DCDC1: variants seen among roughly 807,000 people sequenced by gnomAD.
DCDC1 encodes the protein doublecortin domain-containing protein 1.
In DCDC1, 200 loss-of-function variants were observed where a neutral mutation model predicts 178.3. The ratio of observed to expected loss-of-function variants is 1.12; its 90% confidence interval spans 1.00 to 1.26. DCDC1 has a LOEUF of 1.26. Among genes scored for constraint, DCDC1 ranks in the 50% most tolerant of loss-of-function variants. The probability of loss-of-function intolerance (pLI) is 0.00; values close to 1 mark genes in which losing one functional copy is unlikely to be tolerated. For missense variants in DCDC1, 1,983 were observed against 1,749.2 expected, an observed-to-expected ratio of 1.13 and a Z score of -2.38; for synonymous variants, 690 against 604.8, an observed-to-expected ratio of 1.14 and a Z score of -2.07.
intron 22 of DCDC1, 38 bp downstream of exon 22, chr11:30,931,733 G>C (rs1177806527): frequency 2.6e-6 from 4 of 1,559,344 alleles, no homozygotes; most frequent in Non-Finnish European, 3.5e-6. Flanking sequence ...GTACAAACTA[G>C]AAAGTGTATT....
intron 8 of DCDC1, among the ~76,000 whole-genome samples, chr11:31,254,607 A>G (rs1944290256): frequency 6.6e-6 from 1 of 152,174 alleles, no homozygotes; most frequent in Non-Finnish European, 1.5e-5. Flanking sequence ...TCAGTGGCAT[A>G]AAACAATAAG....
chr11:31,113,013 C>T (rs1053660383), intron 11 of DCDC1, among the ~76,000 whole-genome samples: 2 of 152,114 alleles, frequency 1.3e-5, no homozygotes, highest in Non-Finnish European at 2.9e-5. Context: ...AATCATATAG[C>T]ATATTCAGGG....
chr11:30,889,617 G>A (rs900875650), intron 36 of DCDC1, among the ~76,000 whole-genome samples: 4 of 152,082 alleles, frequency 2.6e-5, no homozygotes, highest in South Asian at 2.1e-4. Context: ...GCCTGACAGC[G>A]TGAAAGGATA....
chr11:30,945,237 G>A (rs987395482), intron 21 of DCDC1, among the ~76,000 whole-genome samples: 2 of 151,762 alleles, frequency 1.3e-5, no homozygotes, highest in Non-Finnish European at 2.9e-5. Flanking sequence ...AAAGTGCTGG[G>A]ATTATAGGTG....
At chr11:31,014,554 G>A (rs939966928) in intron 20 of DCDC1, among the ~76,000 whole-genome samples, 6 of 152,156 alleles carry the variant, frequency 3.9e-5, no homozygotes, top group African/African-American at 1.2e-4. Context: ...GATCATAGAT[G>A]TTTCTTATTT....
intron 9 of DCDC1, among the ~76,000 whole-genome samples, chr11:31,154,260 A>T (rs1173375516): frequency 6.6e-6 from 1 of 152,154 alleles, no homozygotes. Flanking sequence ...TTCATAAATT[A>T]CCCAGTGTCA....
At chr11:31,229,895 T>A (rs55722869) in intron 9 of DCDC1, among the ~76,000 whole-genome samples, 3,136 of 152,098 alleles carry the variant, frequency 0.021, 97 homozygotes, top group African/African-American at 0.071. Flanking sequence ...AAGTCCACAG[T>A]TAACATCATA....
chr11:31,174,156 T>C (rs1226069151), intron 9 of DCDC1, among the ~76,000 whole-genome samples: 1 of 152,120 alleles, frequency 6.6e-6, no homozygotes, highest in Non-Finnish European at 1.5e-5. Context: ...CAGGTGCAAC[T>C]GCAGCCGCCC....
At chr11:31,178,289 GA>G (rs1284343145) in intron 9 of DCDC1, among the ~76,000 whole-genome samples, 1 of 152,136 alleles carries the variant, frequency 6.6e-6, no homozygotes, top group East Asian at 1.9e-4. Context: ...ACACATTGTA[GA>G]AAAGAAAATC....
intron 10 of DCDC1, among the ~76,000 whole-genome samples, chr11:31,135,880 C>T (rs56149696): frequency 0.018 from 2,711 of 152,146 alleles, 44 homozygotes; most frequent in Middle Eastern, 0.024. Flanking sequence ...TCCAATGTTG[C>T]TAACAAGGTA....
In DCDC1 at chr11:31,185,993, T is replaced by C. The variant is rs1969434296; in HGVS notation, c.1222-48209A>G. On this transcript the variant is annotated intron_variant, in intron 9 of 38. Transcript: ENST00000684477. ...GCCCTTCATTTTCTCGTTTAGATAA[T>C]GCTCTCAAATACCTCCTCACTGGTT... Among the ~76,000 whole-genome samples the C allele has an allele frequency of 2.0e-5, 3 of 152,186 alleles. No individual in the cohort carries two copies. The East Asian group carries it at 5.8e-4, about 29-fold the overall frequency.
chr11:31,054,950 C>G (rs1955491803), intron 20 of DCDC1, among the ~76,000 whole-genome samples: 1 of 152,088 alleles, frequency 6.6e-6, no homozygotes, highest in Non-Finnish European at 1.5e-5. Flanking sequence ...GATGAAGAAC[C>G]TAAAAGCAAA....
chr11:31,138,494 C>A (rs536061967), intron 9 of DCDC1, among the ~76,000 whole-genome samples: 1 of 152,216 alleles, frequency 6.6e-6, no homozygotes, highest in South Asian at 2.1e-4. Context: ...GTTAAACTCC[C>A]AAAATAATAT....
At chr11:31,300,064 G>T (rs1396612101) in intron 6 of DCDC1, among the ~76,000 whole-genome samples, 1 of 152,042 alleles carries the variant, frequency 6.6e-6, no homozygotes, top group African/African-American at 2.4e-5. Flanking sequence ...TACCATGTTG[G>T]CCAGGATAGT....
At chr11:30,952,380 T>C (rs1227338501) in intron 21 of DCDC1, 65 bp downstream of exon 21, 1 of 1,386,564 alleles carries the variant, frequency 7.2e-7, no homozygotes, top group Non-Finnish European at 9.5e-7. Context: ...TTGTCAGGAA[T>C]TTGACCACAC....
chr11:30,890,303 A>G (rs1943661839), intron 36 of DCDC1, among the ~76,000 whole-genome samples: 1 of 152,166 alleles, frequency 6.6e-6, no homozygotes, highest in African/African-American at 2.4e-5. Context: ...ATCTCTTCCA[A>G]TTTCTCTGTC....
chr11:31,173,178 T>G (rs1372256014), intron 9 of DCDC1, among the ~76,000 whole-genome samples: 1 of 152,156 alleles, frequency 6.6e-6, no homozygotes, highest in Non-Finnish European at 1.5e-5. Flanking sequence ...TATTTTTGTT[T>G]TAAAATGAAA....
At chr11:31,303,163 A>G (rs963536654) in intron 6 of DCDC1, among the ~76,000 whole-genome samples, 1 of 152,186 alleles carries the variant, frequency 6.6e-6, no homozygotes, top group Non-Finnish European at 1.5e-5. Context: ...GAATAATGAT[A>G]AAAAAGAAAT....
intron 3 of DCDC1, among the ~76,000 whole-genome samples, chr11:31,324,350 GAAT>G (rs1949536863): frequency 6.6e-6 from 1 of 151,712 alleles, no homozygotes; most frequent in African/African-American, 2.4e-5. Context: ...AAGTATACAG[GAAT>G]AAAAATAAGG....
Sources: allele counts gnomAD v4.1 joint callset (sites outside exome capture counted in the v4.1 genomes callset), GRCh38; gene constraint gnomAD v4.1.1; transcripts MANE v1.5; gene names NCBI Gene and HGNC (gene_info 2026-07-23, HGNC 2026-07-21).